GALNT10: variants seen among roughly 807,000 people sequenced by gnomAD.
GALNT10 encodes the protein polypeptide N-acetylgalactosaminyltransferase 10, also known as GalNAc transferase 10.
GALNT10 carries 41 observed loss-of-function variants against 75.0 expected under a neutral mutation model. That is an observed-to-expected ratio of 0.55 (90% CI 0.43 to 0.71). GALNT10 has a LOEUF of 0.71. Among genes scored for constraint, GALNT10 ranks in the 30% least tolerant of loss-of-function variants. GALNT10 has a pLI of 0.00. For synonymous variants in GALNT10, 302 were observed against 313.0 expected (o/e 0.96, Z 0.37); for missense variants, 727 against 818.5 (o/e 0.89, Z 1.36).
intron 7 of GALNT10, among the ~76,000 whole-genome samples, chr5:154,398,209 G>C (rs944103902): frequency 6.6e-6 from 1 of 152,240 alleles, no homozygotes; most frequent in Non-Finnish European, 1.5e-5. Context: ...GAACTCCTGC[G>C]GTGGAGCAGC....
chr5:154,241,346 G>A (rs955568882), intron 1 of GALNT10, among the ~76,000 whole-genome samples: 1 of 152,064 alleles, frequency 6.6e-6, no homozygotes, highest in Non-Finnish European at 1.5e-5. Flanking sequence ...GGGTATAGAG[G>A]ACAACAGCAA....
intron 8 of GALNT10, among the ~76,000 whole-genome samples, chr5:154,405,105 C>A (rs971903270): frequency 6.6e-6 from 1 of 152,158 alleles, no homozygotes. Flanking sequence ...CTCCGGGGAG[C>A]CTGTGAGCCC....
rs181880266 is a variant in GALNT10, at chr5:154,366,513, T to C, written c.569-9764T>C. 2.9e-3 allele frequency among the ~76,000 whole-genome samples: 439 copies of C among 152,258 alleles called. 3 individuals carry two copies. The highest frequency in any genetic ancestry group is 0.01 in the African/African-American group (419 of 41,556). On this transcript the variant is annotated intron_variant, in intron 4 of 11. Transcript: ENST00000297107. ...GAGTCAGCCGGATGTTGGAGCTATG[T>C]TGGTCTTTGACTAAGGGGGTTAGGT...
chr5:154,271,381 G>A lies in GALNT10; in HGVS notation c.160-23435G>A, dbSNP rs1358031500. 2.0e-5 allele frequency among the ~76,000 whole-genome samples: 3 copies of A among 152,246 alleles called. No individual in the cohort carries two copies. In the South Asian group the frequency reaches 6.2e-4, roughly 32 times the overall value. Reference sequence around the variant, plus strand: ...CTTGGGAGGCTGAGACAGGAGAATCGCTTGAACCCCAGAGGGAGAGGTTGC... The same window carrying A: ...CTTGGGAGGCTGAGACAGGAGAATCACTTGAACCCCAGAGGGAGAGGTTGC... On this transcript the variant is annotated intron_variant, in intron 1 of 11. Transcript: ENST00000297107.
intron 4 of GALNT10, chr5:154,338,283 G>A: frequency 1.5e-6 from 1 of 656,138 alleles, no homozygotes; most frequent in South Asian, 1.6e-5. Context: ...TTGGTGCTTG[G>A]ATCTCTCCTT....
At chr5:154,357,983 A>T (rs1755322231) in intron 4 of GALNT10, among the ~76,000 whole-genome samples, 1 of 152,206 alleles carries the variant, frequency 6.6e-6, no homozygotes, top group Admixed American at 6.5e-5. Flanking sequence ...AGGGAAAGAA[A>T]ACCCCAGAAT....
At chr5:154,294,752 A>G in intron 1 of GALNT10, 64 bp from the exon 2 acceptor site, 1 of 861,128 alleles carries the variant, frequency 1.2e-6, no homozygotes, top group South Asian at 1.5e-5. Flanking sequence ...AGGCAGTGTA[A>G]CTCCTGGGCC....
At chr5:154,405,800 T>C (rs1756267951) in intron 8 of GALNT10, among the ~76,000 whole-genome samples, 2 of 151,712 alleles carry the variant, frequency 1.3e-5, no homozygotes, top group Non-Finnish European at 2.9e-5. Flanking sequence ...GAGCTGTGTG[T>C]GCCACTGCAC....
intron 1 of GALNT10, among the ~76,000 whole-genome samples, chr5:154,292,512 A>AT (rs1227507072): frequency 6.6e-6 from 1 of 151,518 alleles, no homozygotes; most frequent in East Asian, 1.9e-4. Flanking sequence ...GGAAAAAGAG[A>AT]TTGGGAGGGA....
intron 1 of GALNT10, among the ~76,000 whole-genome samples, chr5:154,275,665 C>T (rs537049415): frequency 2.6e-5 from 4 of 152,304 alleles, no homozygotes; most frequent in Non-Finnish European, 4.4e-5. Context: ...ATGGCTCATT[C>T]GCATGACTGG....
intron 1 of GALNT10, among the ~76,000 whole-genome samples, chr5:154,216,838 C>G (rs767996660): frequency 2.6e-5 from 4 of 152,140 alleles, no homozygotes; most frequent in Non-Finnish European, 4.4e-5. Flanking sequence ...TTTATATTGT[C>G]ATGTTCACAT....
chr5:154,296,787 A>G (rs969831063), intron 2 of GALNT10, among the ~76,000 whole-genome samples: 2 of 152,074 alleles, frequency 1.3e-5, no homozygotes, highest in Admixed American at 6.5e-5. Context: ...TCCCTGAGCA[A>G]ACACTTCTGG....
intron 7 of GALNT10, among the ~76,000 whole-genome samples, chr5:154,401,075 C>A (rs746925500): frequency 6.6e-6 from 1 of 152,190 alleles, no homozygotes; most frequent in Non-Finnish European, 1.5e-5. Context: ...TGAGGGCATC[C>A]TGGATGCCTC....
chr5:154,399,815 G>A (rs533560174), intron 7 of GALNT10, among the ~76,000 whole-genome samples: 69 of 152,322 alleles, frequency 4.5e-4, no homozygotes, highest in African/African-American at 1.6e-3. Flanking sequence ...GTCTGGCAGG[G>A]CACAGAGGGG....
chr5:154,271,267 G>C (rs1240459391), intron 1 of GALNT10, among the ~76,000 whole-genome samples: 1 of 151,950 alleles, frequency 6.6e-6, no homozygotes, highest in Non-Finnish European at 1.5e-5. Context: ...AGGAGTTCGA[G>C]ACCAGCCTGA....
At chr5:154,277,938 A>T (rs896601145) in intron 1 of GALNT10, among the ~76,000 whole-genome samples, 3 of 152,172 alleles carry the variant, frequency 2.0e-5, no homozygotes, top group African/African-American at 7.2e-5. Context: ...TCATAGACAT[A>T]AATCATTGTC....
chr5:154,287,025 A>G (rs1008483111), intron 1 of GALNT10, among the ~76,000 whole-genome samples: 1 of 152,222 alleles, frequency 6.6e-6, no homozygotes, highest in African/African-American at 2.4e-5. Flanking sequence ...ACTGTGGGGT[A>G]CCAGAATGAA....
intron 4 of GALNT10, among the ~76,000 whole-genome samples, chr5:154,338,797 A>C (rs1283652199): frequency 1.3e-5 from 2 of 152,232 alleles, no homozygotes; most frequent in East Asian, 3.8e-4. Context: ...GTGTCAAGCA[A>C]GACCAGAATA....
intron 1 of GALNT10, among the ~76,000 whole-genome samples, chr5:154,249,257 T>A (rs1002124663): frequency 6.6e-6 from 1 of 152,180 alleles, no homozygotes; most frequent in Non-Finnish European, 1.5e-5. Flanking sequence ...AGCCTGAGAA[T>A]TTGCATTTCT....
Sources: gnomAD v4.1 joint callset for allele counts (sites outside exome capture counted in the v4.1 genomes callset) on GRCh38, gnomAD v4.1.1 for gene constraint, MANE v1.5 for transcripts, NCBI Gene and HGNC (gene_info 2026-07-23, HGNC 2026-07-21) for gene names.